Variants in KIAA0319L observed in about 807,000 individuals in gnomAD.
KIAA0319L encodes the protein dyslexia-associated protein KIAA0319-like protein.
In KIAA0319L, 55 loss-of-function variants were observed where a neutral mutation model predicts 120.1. The ratio of observed to expected loss-of-function variants is 0.46; its 90% CI spans 0.37 to 0.57. The LOEUF is 0.57. Ranked by LOEUF, KIAA0319L falls within the 20% of genes least tolerant of loss-of-function variation. The probability of loss-of-function intolerance (pLI) is 0.00; values close to 1 mark genes in which losing one functional copy is unlikely to be tolerated. For missense variants in KIAA0319L, 1,049 were observed against 1,255.3 expected (o/e 0.84, Z 2.48); for synonymous variants, 398 against 471.9 (o/e 0.84, Z 2.03).
In KIAA0319L at chr1:35,466,683, G is replaced by A; in HGVS notation, c.1126C>T (p.Leu376=). Residue 376 remains leucine (L), a synonymous_variant, in exon 7 of 21, where the codon CTG becomes TTG. Coordinates refer to ENST00000325722, the MANE Select transcript of KIAA0319L (RefSeq NM_024874.5). The part of the protein sequence containing the change: ...ILKLSKLTPG[L]YEFKVIVEGQ... ...TCTACAATCACTTTGAATTCATACAGGCCTGGAGTGAGCTGCAGAAGTGAG... is the reference window on the plus strand; with the variant it reads ...TCTACAATCACTTTGAATTCATACAAGCCTGGAGTGAGCTGCAGAAGTGAG... The A allele has an allele frequency of 1.6e-5, 26 of 1,611,156 alleles. No homozygotes were observed. The highest frequency in any genetic ancestry group is 2.2e-5 in the Non-Finnish European group (26 of 1,177,486).
At chr1:35,515,845 C>A (rs1645657009) in intron 2 of KIAA0319L, among the ~76,000 whole-genome samples, 1 of 151,944 alleles carries the variant, frequency 6.6e-6, no homozygotes, top group African/African-American at 2.4e-5. Context: ...TCCAAATAAA[C>A]ACAATTAGAA....
rs1645215187 is a variant in KIAA0319L, at chr1:35,506,650, T to C, written c.628A>G (p.Asn210Asp). 1.2e-6 allele frequency: 2 copies of C among 1,614,008 alleles called. No individual in the cohort carries two copies. Among genetic ancestry groups the C allele is most frequent in the Non-Finnish European group, 1.7e-6 (2 of 1,179,990 alleles). ...VTQHSKVNDS[N>D]ELGGLTTSGS... ...CTGGTAGTCAGACCACCTAATTCGT[T>C]GGAGTCATTCACTTTAGAATGCTGT... is the stretch of plus-strand genomic sequence containing the variant. Residue 210 changes from asparagine to aspartate, a missense_variant, in exon 3 of 21, where the codon AAC becomes GAC. By Grantham distance (23) the Asn-to-Asp change is conservative. Coordinates refer to ENST00000325722, the MANE Select transcript of KIAA0319L (RefSeq NM_024874.5). This position sits in a 1 kb window ranked among gnomAD's most constrained non-coding sequence, Gnocchi z 4.0.
intron 2 of KIAA0319L, among the ~76,000 whole-genome samples, chr1:35,508,126 G>T (rs1185912009): frequency 6.6e-6 from 1 of 152,146 alleles, no homozygotes; most frequent in Non-Finnish European, 1.5e-5. Context: ...GGCAAGAGAG[G>T]TGCCTCAGGC....
Position 35,554,428 on chromosome 1 carries a change from G to A in KIAA0319L, c.64C>T (p.Gln22Ter). The change falls in exon 2 of 21, where the codon CAG becomes TAG. Residue 22 changes from glutamine (Q) to a stop codon, truncating the protein, a stop_gained. Coordinates refer to ENST00000325722, the MANE Select transcript of KIAA0319L (RefSeq NM_024874.5). LOFTEE classifies it high-confidence loss of function. The part of the protein sequence containing the change: ...ASWILSGYYW[Q>*]TSAKWLRSLY... Reference sequence around the variant, plus strand: ...CTTCTCAACCACTTCGCAGATGTCTGCCAATAATATCCTGATAAAATCCAG... The same window carrying A: ...CTTCTCAACCACTTCGCAGATGTCTACCAATAATATCCTGATAAAATCCAG... 6.2e-7 allele frequency: 1 copy of A among 1,613,234 alleles called. No individual in the cohort carries two copies. Among genetic ancestry groups the A allele is most frequent in the Non-Finnish European group, 8.5e-7 (1 of 1,179,678 alleles).
intron 11 of KIAA0319L, 35 bp downstream of exon 11, chr1:35,454,327 A>G: frequency 6.2e-7 from 1 of 1,611,366 alleles, no homozygotes; most frequent in Non-Finnish European, 8.5e-7. Flanking sequence ...TGGACCCACC[A>G]ATAGAAGAGC....
In KIAA0319L at chr1:35,483,854, C is replaced by A. The variant is rs1267357827; in HGVS notation, c.667-4642G>T. ...TCAAGGTGTTGGCAGGGCCATACTGCCTCTGAAGGCCCTAGAGGAGAATCT... is the reference window on the plus strand; with the variant it reads ...TCAAGGTGTTGGCAGGGCCATACTGACTCTGAAGGCCCTAGAGGAGAATCT... On this transcript the variant is annotated intron_variant, in intron 3 of 20. Transcript: ENST00000325722. 2.0e-5 allele frequency among the ~76,000 whole-genome samples: 3 copies of A among 152,192 alleles called. No individual in the cohort carries two copies. The East Asian group carries it at 5.8e-4, about 29-fold the overall frequency.
At chr1:35,545,483 C>T (rs72899240) in intron 2 of KIAA0319L, among the ~76,000 whole-genome samples, 11,904 of 152,090 alleles carry the variant, frequency 0.078, 1,117 homozygotes, top group East Asian at 0.44. Context: ...AGGGAAAGCA[C>T]GAGAAAGGAG....
At chr1:35,484,806 A>ATATATTT (rs1381080295) in intron 3 of KIAA0319L, among the ~76,000 whole-genome samples, 2 of 86,260 alleles carry the variant, frequency 2.3e-5, no homozygotes, top group African/African-American at 6.0e-5. Flanking sequence ...ATATATATAT[A>ATATATTT]TTTTTTTTTT....
intron 20 of KIAA0319L, chr1:35,440,206 T>C (rs1448988110): frequency 6.6e-6 from 1 of 152,226 alleles, no homozygotes; most frequent in Non-Finnish European, 1.5e-5. Context: ...TCCAGACTGC[T>C]GTGAGCCTGT....
At position 35,434,652 on chromosome 1, in the gene KIAA0319L, C is replaced by T. The variant is rs1570583269; in HGVS notation, c.*242G>A. The T allele has an allele frequency of 2.0e-6, 1 of 491,798 alleles. No individual in the cohort carries two copies. The highest frequency in any genetic ancestry group is 5.3e-4 in the Middle Eastern group (1 of 1,888). The allele number at this position is 491,798 out of a possible 1,614,324, so 30.5% of individuals were successfully genotyped here. The stretch of plus-strand genomic sequence containing the variant: ...GGGAGGAGTTTGCAAAAAAAGGAGG[C>T]CCTGAGGTGAGGATATCTGGGGGCC... On this transcript the variant is annotated 3_prime_UTR_variant, in exon 21 of 21. Coordinates refer to ENST00000325722, the MANE Select transcript of KIAA0319L (RefSeq NM_024874.5).
chr1:35,495,557 AT>A (rs1644768571), intron 3 of KIAA0319L, among the ~76,000 whole-genome samples: 1 of 152,208 alleles, frequency 6.6e-6, no homozygotes, highest in Admixed American at 6.5e-5. Flanking sequence ...GGGAGAGAAT[AT>A]TTGCAAATCA....
rs182435497 is a variant in KIAA0319L, at chr1:35,481,194, A to G, written c.667-1982T>C. On this transcript the variant is annotated intron_variant, in intron 3 of 20. Coordinates refer to ENST00000325722, the MANE Select transcript of KIAA0319L (RefSeq NM_024874.5). ...ACAAAAATTTGGTTTACATTTATCT[A>G]CTGATGGAATTTTAAGTTGTTTTCC... 5.3e-5 allele frequency among the ~76,000 whole-genome samples: 8 copies of G among 152,254 alleles called. No homozygotes were observed. In the East Asian group the frequency reaches 1.5e-3, roughly 29 times the overall value.
Position 35,477,666 on chromosome 1 carries a change from CAAAAAAA to C in KIAA0319L, c.913+1293_913+1299del, listed in dbSNP as rs34588440. ...TGGGCAACAGAGTGAGACTCTGTCT[CAAAAAAA>C]AAAAAAAAAAAAAAACCTACAGTGA... On this transcript the variant is annotated intron_variant, in intron 4 of 20. Transcript: ENST00000325722. Among the ~76,000 whole-genome samples the C allele has an allele frequency of 2.0e-4, 11 of 55,678 alleles. No individual in the cohort carries two copies. The South Asian group carries it at 4.7e-3, about 24-fold the overall frequency. The allele number at this position is 55,678 out of a possible 152,430, so 36.5% of individuals were successfully genotyped here.
chr1:35,556,065 C>T (rs1050061381), intron 1 of KIAA0319L, among the ~76,000 whole-genome samples: 40 of 152,216 alleles, frequency 2.6e-4, no homozygotes, highest in Non-Finnish European at 8.8e-5. Context: ...CAACACATCA[C>T]CAAGATCCGA....
At chr1:35,525,501 G>A (rs763198012) in intron 2 of KIAA0319L, among the ~76,000 whole-genome samples, 1 of 151,880 alleles carries the variant, frequency 6.6e-6, no homozygotes, top group Non-Finnish European at 1.5e-5. Context: ...CCGCATACTC[G>A]CCAGCATCTG....
intron 14 of KIAA0319L, 55 bp downstream of exon 14, chr1:35,450,303 G>A (rs1641959970): frequency 8.4e-6 from 13 of 1,547,570 alleles, no homozygotes; most frequent in South Asian, 3.5e-5. Context: ...ACTGGAACGC[G>A]TGGCTCCTCC....
At position 35,478,933 on chromosome 1, in the gene KIAA0319L, T is replaced by C. The variant is rs751114972; in HGVS notation, c.913+33A>G. ...AATACTTTGATCAAATGTTCTACTT[T>C]TTCCTTCTATCTCCAAGAGCAAAGG... On this transcript the variant is annotated intron_variant, in intron 4 of 20. Transcript: ENST00000325722. 3.7e-6 allele frequency: 6 copies of C among 1,605,638 alleles called. No homozygotes were observed. In the Admixed American group the frequency reaches 1.0e-4, roughly 27 times the overall value.
chr1:35,458,681 A>G (rs79886707), intron 9 of KIAA0319L, among the ~76,000 whole-genome samples: 3,211 of 152,320 alleles, frequency 0.021, 104 homozygotes, highest in African/African-American at 0.072. Flanking sequence ...AATACCTGTT[A>G]TAAGAATTAA....
At chr1:35,450,216 A>C in intron 14 of KIAA0319L, 142 bp downstream of exon 14, 1 of 1,035,232 alleles carries the variant, frequency 9.7e-7, no homozygotes, top group Non-Finnish European at 1.4e-6. Flanking sequence ...GAATGACCCT[A>C]AGCAAGTCAC....
Sources: allele counts gnomAD v4.1 joint callset (sites outside exome capture counted in the v4.1 genomes callset), GRCh38; gene constraint gnomAD v4.1.1; non-coding constraint Gnocchi (gnomAD v3.1); transcripts MANE v1.5; gene names NCBI Gene and HGNC (gene_info 2026-07-23, HGNC 2026-07-21).